Variants in GLDC observed in about 807,000 individuals in gnomAD.
GLDC encodes glycine dehydrogenase (decarboxylating), mitochondrial.
GLDC carries 104 observed loss-of-function variants against 121.3 expected under a neutral mutation model. That is an observed-to-expected ratio of 0.86 (90% CI 0.73 to 1.01). The LOEUF (loss-of-function observed/expected upper bound fraction) is 1.01. GLDC is among the 50% of genes least tolerant of loss of function. The probability of loss-of-function intolerance (pLI) is 0.00; values close to 1 mark genes in which losing one functional copy is unlikely to be tolerated. For synonymous variants in GLDC, 546 were observed against 480.6 expected (o/e 1.14, Z -1.78); for missense variants, 1,429 against 1,306.6 (o/e 1.09, Z -1.44).
chr9:6,561,423 C>T (rs1235735405), intron 16 of GLDC, among the ~76,000 whole-genome samples: 2 of 152,004 alleles, frequency 1.3e-5, no homozygotes, highest in African/African-American at 4.8e-5. Flanking sequence ...CTGAGGCAGG[C>T]GGTTCACTTG....
intron 2 of GLDC, among the ~76,000 whole-genome samples, chr9:6,636,002 A>T (rs1819494741): frequency 6.6e-6 from 1 of 152,208 alleles, no homozygotes; most frequent in South Asian, 2.1e-4. Context: ...TCCTAACGTA[A>T]ACAATCTTCA....
chr9:6,588,972 A>G (rs1818322881), intron 12 of GLDC, among the ~76,000 whole-genome samples: 2 of 152,202 alleles, frequency 1.3e-5, no homozygotes, highest in Non-Finnish European at 2.9e-5. Context: ...CCTGGCAATT[A>G]TTCATCCCTG....
intron 16 of GLDC, among the ~76,000 whole-genome samples, chr9:6,559,006 C>T (rs1163573136): frequency 1.3e-5 from 2 of 152,142 alleles, no homozygotes; most frequent in African/African-American, 4.8e-5. Flanking sequence ...ACAGAAAGCA[C>T]CTTAGAAGAA....
In GLDC at chr9:6,623,613, A is replaced by T. The variant is rs575312844; in HGVS notation, c.335-3294T>A. Among the ~76,000 whole-genome samples the T allele has an allele frequency of 5.4e-5, 8 of 147,232 alleles. No individual in the cohort carries two copies. In the East Asian group the frequency reaches 5.9e-4, roughly 11 times the overall value. ...AGAGAAACACCCAAGAATGATCAAT[A>T]AAAAAAAAAATAAAAAAAGAGAGAG... On this transcript the variant is annotated intron_variant, in intron 2 of 24. Coordinates refer to ENST00000321612, the MANE Select transcript of GLDC (RefSeq NM_000170.3).
At chr9:6,603,741 T>C (rs1349678803) in intron 7 of GLDC, among the ~76,000 whole-genome samples, 4 of 150,206 alleles carry the variant, frequency 2.7e-5, no homozygotes, top group African/African-American at 9.9e-5. Context: ...TTTTTCTTTT[T>C]TTTTTTTGAG....
rs191969620 is a variant in GLDC at position 6,562,682 on chromosome 9, C to T, written c.1926+2672G>A. Among the ~76,000 whole-genome samples, 84 of 152,202 alleles carry T rather than the reference C, an allele frequency of 5.5e-4. 1 individual carries two copies. Among genetic ancestry groups the T allele is most frequent in the Admixed American group, 5.0e-3 (76 of 15,290 alleles). ...TCAAGTGATTCTCCTGCCTCAGCCT[C>T]CCTCAGTAGCTGGGATCACAGGCGT... On this transcript the variant is annotated intron_variant, in intron 16 of 24. Coordinates refer to ENST00000321612, the MANE Select transcript of GLDC (RefSeq NM_000170.3).
chr9:6,608,417 G>A (rs1295113337), intron 4 of GLDC, among the ~76,000 whole-genome samples: 1 of 149,166 alleles, frequency 6.7e-6, no homozygotes, highest in Non-Finnish European at 1.5e-5. Flanking sequence ...GTGAGACTCT[G>A]TCTCAAAAAA....
chr9:6,611,436 G>A (rs552831440), intron 3 of GLDC, among the ~76,000 whole-genome samples: 43 of 152,182 alleles, frequency 2.8e-4, no homozygotes, highest in East Asian at 7.7e-4. Flanking sequence ...CGTGCCTGTA[G>A]TCCCAGCTAC....
intron 16 of GLDC, 40 bp downstream of exon 16, chr9:6,565,314 T>G (rs1324868846): frequency 7.1e-7 from 1 of 1,405,370 alleles, no homozygotes; most frequent in Non-Finnish European, 1.0e-6. Flanking sequence ...AGGACCTCTG[T>G]GCCCCATGGT....
intron 16 of GLDC, among the ~76,000 whole-genome samples, chr9:6,563,837 T>C (rs1817803282): frequency 6.6e-6 from 1 of 152,096 alleles, no homozygotes; most frequent in Non-Finnish European, 1.5e-5. Flanking sequence ...CAAAGATCTT[T>C]AGACATGAAT....
chr9:6,604,232 T>G (rs999556321), intron 7 of GLDC, among the ~76,000 whole-genome samples: 1 of 152,178 alleles, frequency 6.6e-6, no homozygotes, highest in Non-Finnish European at 1.5e-5. Flanking sequence ...TCTCAGTGCA[T>G]TTGTCTTTAC....
intron 2 of GLDC, among the ~76,000 whole-genome samples, chr9:6,631,982 C>T (rs778535872): frequency 6.6e-6 from 1 of 152,120 alleles, no homozygotes; most frequent in Non-Finnish European, 1.5e-5. Flanking sequence ...GTGGGAGGAT[C>T]TGTTTGGCCC....
At chr9:6,616,819 C>T (rs1342048463) in intron 3 of GLDC, among the ~76,000 whole-genome samples, 1 of 152,152 alleles carries the variant, frequency 6.6e-6, no homozygotes, top group Non-Finnish European at 1.5e-5. Flanking sequence ...TTAGTGTTCT[C>T]TATCATTTTG....
At position 6,534,843 on chromosome 9, in the gene GLDC, C is replaced by G. The variant is rs1212553839; in HGVS notation, c.2839-55G>C. On this transcript the variant is annotated intron_variant, in intron 23 of 24. Coordinates refer to ENST00000321612, the MANE Select transcript of GLDC (RefSeq NM_000170.3). ...TCAGAGCAATACACTCTCTTCTCCT[C>G]CTACCCTGCACCTCAACCGTCAATC... 7.4e-6 allele frequency: 7 copies of G among 940,884 alleles called. No homozygotes were observed. In the Admixed American group the frequency reaches 1.2e-4, roughly 17 times the overall value. 58.3% of individuals were successfully genotyped at this position (940,884 alleles called of 1,614,324 possible). A position where few individuals can be genotyped will look rare whatever the true frequency, so the allele number is the denominator to read the frequency against.
chr9:6,603,284 CA>C (rs1274173424), intron 7 of GLDC, among the ~76,000 whole-genome samples: 1 of 148,766 alleles, frequency 6.7e-6, no homozygotes, highest in East Asian at 2.0e-4. Flanking sequence ...TACAGTGTAA[CA>C]ACCATTGCAT....
intron 3 of GLDC, among the ~76,000 whole-genome samples, chr9:6,619,191 G>C (rs1819029794): frequency 7.0e-6 from 1 of 143,062 alleles, no homozygotes; most frequent in African/African-American, 2.6e-5. Flanking sequence ...AAGTAGGAGT[G>C]ACTTATCTAA....
At chr9:6,558,225 A>C (rs1273636602) in intron 17 of GLDC, 2 of 557,050 alleles carry the variant, frequency 3.6e-6, no homozygotes, top group Non-Finnish European at 6.4e-6. Flanking sequence ...TCCTGACACG[A>C]AGATGTGTAA....
At chr9:6,637,410 A>T (rs1333298700) in intron 2 of GLDC, among the ~76,000 whole-genome samples, 1 of 152,118 alleles carries the variant, frequency 6.6e-6, no homozygotes, top group Non-Finnish European at 1.5e-5. Flanking sequence ...CTCTCAAAAA[A>T]AAAAAAAAGA....
chr9:6,548,789 A>G (rs2129697557), intron 21 of GLDC, among the ~76,000 whole-genome samples: 1 of 152,260 alleles, frequency 6.6e-6, no homozygotes, highest in South Asian at 2.1e-4. Context: ...CCTGGTTCTC[A>G]GTTCCAGCCT....
Sources: allele counts gnomAD v4.1 joint callset (sites outside exome capture counted in the v4.1 genomes callset), GRCh38; gene constraint gnomAD v4.1.1; transcripts MANE v1.5; gene names NCBI Gene and HGNC (gene_info 2026-07-23, HGNC 2026-07-21).